Variants in LPGAT1 observed in about 807,000 individuals in gnomAD.
The protein encoded by LPGAT1 is lysophosphatidylglycerol acyltransferase 1, also known as acyl-CoA:lysophosphatidylglycerol acyltransferase 1.
LPGAT1 carries 11 observed loss-of-function variants against 47.5 expected under a neutral mutation model. The ratio of observed to expected loss-of-function variants is 0.23; its 90% confidence interval spans 0.15 to 0.38. The LOEUF is 0.38. LPGAT1 is among the 10% of genes least tolerant of loss of function. The probability of loss-of-function intolerance (pLI) is 1.00; values close to 1 mark genes in which losing one functional copy is unlikely to be tolerated. For missense variants in LPGAT1, 293 were observed against 439.0 expected (o/e 0.67, Z 2.97); for synonymous variants, 138 against 144.2 (o/e 0.96, Z 0.31).
Position 211,830,610 on chromosome 1 carries a change from CAG to C in LPGAT1, c.-67_-66del. ...GGGCCCCAGCCGGGGCTTTGGGAGTCAGAGGAGCCGGAAGAATGCATGGCCGG... is the reference window on the plus strand; with the variant it reads ...GGGCCCCAGCCGGGGCTTTGGGAGTCAGGAGCCGGAAGAATGCATGGCCGG... On this transcript the variant is annotated 5_prime_UTR_variant, in exon 1 of 8. It introduces an in-frame stop codon into an upstream open reading frame of the 5' UTR. Coordinates refer to ENST00000366997, the MANE Select transcript of LPGAT1 (RefSeq NM_014873.3). This position sits in a 1 kb window ranked among gnomAD's most constrained non-coding sequence, Gnocchi z 5.9. 8.5e-7 allele frequency: 1 copy of C among 1,178,382 alleles called. No individual in the cohort carries two copies. Among genetic ancestry groups the C allele is most frequent in the Non-Finnish European group, 1.0e-6 (1 of 955,862 alleles). 73.0% of individuals were successfully genotyped at this position (1,178,382 alleles called of 1,614,324 possible).
intron 2 of LPGAT1, among the ~76,000 whole-genome samples, chr1:211,826,015 G>C (rs12568179): frequency 6.6e-6 from 1 of 152,090 alleles, no homozygotes; most frequent in East Asian, 1.9e-4. Flanking sequence ...GTAGCAAGCC[G>C]GGGATGAACA....
chr1:211,807,759 A>AT lies in LPGAT1; in HGVS notation c.239-14570dup, dbSNP rs1379670593. On this transcript the variant is annotated intron_variant, in intron 2 of 7. Transcript: ENST00000366997. ...AATTCAAAATGGATCACAGAGATGTATGTAAAATGCAGAACTATAAAACTC... is the reference window on the plus strand; with the variant it reads ...AATTCAAAATGGATCACAGAGATGTATTGTAAAATGCAGAACTATAAAACTC... Among the ~76,000 whole-genome samples the AT allele has an allele frequency of 2.0e-5, 3 of 152,212 alleles. No homozygotes were observed. The East Asian group carries it at 5.8e-4, about 29-fold the overall frequency.
At chr1:211,825,502 C>T (rs867282847) in intron 2 of LPGAT1, among the ~76,000 whole-genome samples, 6 of 151,756 alleles carry the variant, frequency 4.0e-5, no homozygotes, top group East Asian at 3.9e-4. Flanking sequence ...ACTTAAACTC[C>T]GGGGGGTGGG....
At chr1:211,766,742 A>G (rs980394605) in intron 6 of LPGAT1, among the ~76,000 whole-genome samples, 16 of 152,328 alleles carry the variant, frequency 1.1e-4, no homozygotes, top group African/African-American at 3.8e-4. Context: ...AGTGTACCGC[A>G]TATCACTAGC....
intron 3 of LPGAT1, among the ~76,000 whole-genome samples, chr1:211,791,132 T>A (rs1659095486): frequency 1.3e-5 from 2 of 152,204 alleles, no homozygotes; most frequent in Non-Finnish European, 2.9e-5. Flanking sequence ...CACATTCCAG[T>A]GAGATTATCC....
At chr1:211,803,974 GTC>G (rs1329596396) in intron 2 of LPGAT1, among the ~76,000 whole-genome samples, 1 of 152,122 alleles carries the variant, frequency 6.6e-6, no homozygotes, top group Admixed American at 6.6e-5. Flanking sequence ...GGCCATGTTG[GTC>G]TCAAACTCCT....
chr1:211,812,618 A>G (rs1660026181), intron 2 of LPGAT1, among the ~76,000 whole-genome samples: 1 of 152,228 alleles, frequency 6.6e-6, no homozygotes, highest in Admixed American at 6.5e-5. Flanking sequence ...TGTGAATGTT[A>G]CTTTATATGA....
At chr1:211,762,201 T>C (rs1657727815) in intron 6 of LPGAT1, among the ~76,000 whole-genome samples, 1 of 152,108 alleles carries the variant, frequency 6.6e-6, no homozygotes, top group African/African-American at 2.4e-5. Context: ...AAAATTGACA[T>C]TAAAAATAAA....
chr1:211,752,324 T>C (rs1171417655), intron 6 of LPGAT1, among the ~76,000 whole-genome samples: 2 of 152,194 alleles, frequency 1.3e-5, no homozygotes, highest in Non-Finnish European at 2.9e-5. Context: ...TTCTACGCTT[T>C]GCAGGTATAA....
chr1:211,768,593 T>A (rs937069705), intron 6 of LPGAT1, among the ~76,000 whole-genome samples: 5 of 152,198 alleles, frequency 3.3e-5, no homozygotes, highest in African/African-American at 1.2e-4. Context: ...TTTTAAGATG[T>A]CTCCCAATTT....
intron 6 of LPGAT1, among the ~76,000 whole-genome samples, chr1:211,753,319 G>A (rs181587538): frequency 6.6e-6 from 1 of 152,230 alleles, no homozygotes; most frequent in Non-Finnish European, 1.5e-5. Flanking sequence ...CTCGAACTTG[G>A]TTGATAGTTT....
At chr1:211,753,978 C>G (rs1456703165) in intron 6 of LPGAT1, among the ~76,000 whole-genome samples, 10 of 152,150 alleles carry the variant, frequency 6.6e-5, no homozygotes, top group Admixed American at 6.5e-4. Context: ...CTCTGATTTC[C>G]TGCTTAGAGA....
At chr1:211,753,333 T>C (rs561757832) in intron 6 of LPGAT1, among the ~76,000 whole-genome samples, 3 of 152,372 alleles carry the variant, frequency 2.0e-5, no homozygotes, top group African/African-American at 7.2e-5. Flanking sequence ...ATAGTTTGGC[T>C]AGATATAGGA....
chr1:211,750,930 A>G, intron 7 of LPGAT1, 31 bp downstream of exon 7: 3 of 1,440,046 alleles, frequency 2.1e-6, no homozygotes, highest in Non-Finnish European at 2.9e-6. Flanking sequence ...TGTTGCTATA[A>G]TTTAGCAACT....
At chr1:211,762,066 C>T (rs1003124878) in intron 6 of LPGAT1, among the ~76,000 whole-genome samples, 1 of 152,196 alleles carries the variant, frequency 6.6e-6, no homozygotes, top group Non-Finnish European at 1.5e-5. Context: ...TATGTAATTA[C>T]TTTATAAGAT....
intron 6 of LPGAT1, among the ~76,000 whole-genome samples, chr1:211,771,752 T>G (rs552443279): frequency 6.7e-4 from 102 of 152,138 alleles, no homozygotes; most frequent in African/African-American, 2.4e-3. Flanking sequence ...TCTGCCTGCC[T>G]CAGGCCTCCC....
At chr1:211,779,878 A>G (rs752287313) in intron 5 of LPGAT1, among the ~76,000 whole-genome samples, 31 of 147,258 alleles carry the variant, frequency 2.1e-4, no homozygotes, top group Non-Finnish European at 3.9e-4. Context: ...ATAAATAAAT[A>G]AATAAACATA....
chr1:211,830,619 C>G lies in LPGAT1; in HGVS notation c.-74G>C, dbSNP rs867301873. 3.3e-6 allele frequency: 4 copies of G among 1,207,186 alleles called. No homozygotes were observed. Among genetic ancestry groups the G allele is most frequent in the Non-Finnish European group, 2.1e-6 (2 of 972,156 alleles). The allele number at this position is 1,207,186 out of a possible 1,614,324, so 74.8% of individuals were successfully genotyped here. A position where few individuals can be genotyped will look rare whatever the true frequency, so the allele number is the denominator to read the frequency against. On this transcript the variant is annotated 5_prime_UTR_variant, in exon 1 of 8. Transcript: ENST00000366997. The surrounding 1 kb of genome is among the most constrained non-coding windows in gnomAD (Gnocchi z 5.9). ...CCGGGGCTTTGGGAGTCAGAGGAGC[C>G]GGAAGAATGCATGGCCGGCGGCGGG...
intron 6 of LPGAT1, among the ~76,000 whole-genome samples, chr1:211,761,898 TA>T (rs1417487372): frequency 3.3e-5 from 5 of 152,224 alleles, no homozygotes; most frequent in Non-Finnish European, 7.3e-5. Flanking sequence ...TCTAGCTACC[TA>T]AATTCTATCC....
Sources: gnomAD v4.1 joint callset for allele counts (sites outside exome capture counted in the v4.1 genomes callset) on GRCh38, gnomAD v4.1.1 for gene constraint, Gnocchi (gnomAD v3.1) non-coding constraint, MANE v1.5 for transcripts, NCBI Gene and HGNC (gene_info 2026-07-23, HGNC 2026-07-21) for gene names.